SIDT2: variants seen among roughly 807,000 people sequenced by gnomAD.
The protein encoded by SIDT2 is SID1 transmembrane family member 2, also known as SID1 transmembrane family, member 2.
Under a neutral mutation model 114.4 loss-of-function variants are expected in SIDT2, and 68 were observed. That is an observed-to-expected ratio of 0.59 (90% CI 0.49 to 0.73). SIDT2 has a LOEUF of 0.73. SIDT2 is among the 30% of genes least tolerant of loss of function. SIDT2 has a pLI of 0.00. For synonymous variants in SIDT2, 470 were observed against 438.4 expected, an observed-to-expected ratio of 1.07 and a Z score of -0.90; for missense variants, 918 against 1,097.1, an observed-to-expected ratio of 0.84 and a Z score of 2.31.
At position 117,178,851 on chromosome 11, in the gene SIDT2, ACT is replaced by A. The variant is rs1339368696; in HGVS notation, c.-410_-409del. On this transcript the variant is annotated 5_prime_UTR_variant, in exon 1 of 26. Coordinates refer to ENST00000324225, the MANE Select transcript of SIDT2 (RefSeq NM_001040455.2). ...GTAGCTACCACCTATCACGCCCCTC[ACT>A]CTGCGACTCGCCTTCCTCCGCGGCC... The A allele has an allele frequency of 1.6e-5, 3 of 193,266 alleles. 1 individual carries two copies. Among genetic ancestry groups the A allele is most frequent in the Non-Finnish European group, 3.2e-5 (3 of 92,846 alleles). The allele number at this position is 193,266 out of a possible 1,614,324, so 12.0% of individuals were successfully genotyped here.
At chr11:117,187,862 T>G (rs567706061) in intron 12 of SIDT2, 163 bp downstream of exon 12, 4 of 735,976 alleles carry the variant, frequency 5.4e-6, no homozygotes, top group Non-Finnish European at 9.6e-6. Flanking sequence ...TTGGCCCCAG[T>G]TCCCTGGTAA....
chr11:117,179,718 A>T (rs2030191342), intron 1 of SIDT2: 1 of 400,102 alleles, frequency 2.5e-6, no homozygotes, highest in Non-Finnish European at 4.5e-6. Context: ...CTGAGCACAC[A>T]TGGCTTGCTC....
intron 23 of SIDT2, 122 bp from the exon 24 acceptor site, chr11:117,193,731 A>G (rs2030786847): frequency 3.0e-6 from 2 of 673,338 alleles, no homozygotes. Flanking sequence ...GTATGAATCC[A>G]AGGAGCAGTC....
Position 117,192,376 on chromosome 11 carries a change from CG to C in SIDT2, c.1981+18del. The stretch of plus-strand genomic sequence containing the variant: ...GGTGGAAACTGGGTAAGGGCACGCC[CG>C]GGGCAGGGCCTGGGGGAGGGGTCTG... On this transcript the variant is annotated intron_variant, in intron 20 of 25. Coordinates refer to ENST00000324225, the MANE Select transcript of SIDT2 (RefSeq NM_001040455.2). This position sits in a 1 kb window ranked among gnomAD's most constrained non-coding sequence, Gnocchi z 5.9. The C allele has an allele frequency of 1.3e-6, 2 of 1,527,648 alleles. No individual in the cohort carries two copies. The highest frequency in any genetic ancestry group is 1.8e-6 in the Non-Finnish European group (2 of 1,102,704). 94.6% of individuals were successfully genotyped at this position (1,527,648 alleles called of 1,614,324 possible).
In SIDT2 at chr11:117,181,885, GTTC is replaced by G. The variant is rs1247071012; in HGVS notation, c.389_391del (p.Phe130del). ...CCACCAAGAATGAGTCGGAGATTCA[GTTC>G]TTCTACGTGGATGTGTCCACCCTGT... On this transcript the variant is annotated inframe_deletion, in exon 3 of 26. Transcript: ENST00000324225. The G allele has an allele frequency of 6.2e-7, 1 of 1,614,092 alleles. No individual in the cohort carries two copies. Among genetic ancestry groups the G allele is most frequent in the Non-Finnish European group, 8.5e-7 (1 of 1,180,048 alleles).
intron 13 of SIDT2, 38 bp from the exon 14 acceptor site, chr11:117,189,131 A>G (rs1332790908): frequency 1.2e-6 from 2 of 1,604,732 alleles, no homozygotes; most frequent in Admixed American, 1.7e-5. Context: ...GCTTCTCCCA[A>G]GTAGCAGTAA....
intron 10 of SIDT2, 79 bp from the exon 11 acceptor site, chr11:117,187,299 G>A (rs910536450): frequency 1.4e-6 from 2 of 1,397,184 alleles, no homozygotes; most frequent in South Asian, 2.3e-5. Flanking sequence ...TGTCTTCTCT[G>A]GACCTTTCTT....
intron 9 of SIDT2, 66 bp downstream of exon 9, chr11:117,186,289 C>G: frequency 7.2e-7 from 1 of 1,383,120 alleles, no homozygotes; most frequent in Non-Finnish European, 1.0e-6. Flanking sequence ...GGCAGATCAC[C>G]TGGCAGGATC....
intron 15 of SIDT2, 90 bp from the exon 16 acceptor site, chr11:117,189,862 C>A: frequency 8.1e-7 from 1 of 1,227,466 alleles, no homozygotes; most frequent in Non-Finnish European, 1.2e-6. Flanking sequence ...GTGGCACTTG[C>A]TGTTTTTTGC....
In SIDT2 at chr11:117,188,669, T is replaced by C. The variant is rs1444541715; in HGVS notation, c.1160-39T>C. On this transcript the variant is annotated intron_variant, in intron 12 of 25. Coordinates refer to ENST00000324225, the MANE Select transcript of SIDT2 (RefSeq NM_001040455.2). The surrounding 1 kb of genome is among the most constrained non-coding windows in gnomAD (Gnocchi z 4.0). The stretch of plus-strand genomic sequence containing the variant: ...TGGGCGAGGGCCACTGTGGGTTTTG[T>C]GTCCACCGGTGCAACCCCTCCCTCC... 6.6e-7 allele frequency: 1 copy of C among 1,522,262 alleles called. No individual in the cohort carries two copies. Among genetic ancestry groups the C allele is most frequent in the South Asian group, 1.1e-5 (1 of 89,342 alleles). The allele number at this position is 1,522,262 out of a possible 1,614,324, so 94.3% of individuals were successfully genotyped here.
chr11:117,189,462 G>C, intron 15 of SIDT2, 61 bp downstream of exon 15: 1 of 1,554,184 alleles, frequency 6.4e-7, no homozygotes, highest in South Asian at 1.2e-5. Flanking sequence ...AAAGTGCAGA[G>C]CCTCCCAGCC....
Position 117,193,961 on chromosome 11 carries a change from C to CA in SIDT2, c.2321dup (p.Lys775GlufsTer20). 2.5e-6 allele frequency: 4 copies of CA among 1,611,422 alleles called. No individual in the cohort carries two copies. Among genetic ancestry groups the CA allele is most frequent in the Non-Finnish European group, 2.5e-6 (3 of 1,177,670 alleles). On this transcript the variant is annotated frameshift_variant and splice_region_variant, in exon 24 of 26. Coordinates refer to ENST00000324225, the MANE Select transcript of SIDT2 (RefSeq NM_001040455.2). LOFTEE classifies it high-confidence loss of function. ...CTTCTTCCAGGGACTCAGCACCTGG[C>CA]AGGTGAGCACTCACCCTCAGGCTCC...
chr11:117,189,297 G>C (rs1411068007), intron 14 of SIDT2, 38 bp from the exon 15 acceptor site: 1 of 1,613,942 alleles, frequency 6.2e-7, no homozygotes, highest in Admixed American at 1.7e-5. Flanking sequence ...GGCAGCCTTG[G>C]GTGCCACCCA....
chr11:117,179,215 TCGC>T lies in SIDT2; in HGVS notation c.-35_-33del, dbSNP rs746735121. On this transcript the variant is annotated 5_prime_UTR_variant, in exon 1 of 26. Transcript: ENST00000324225. ...CGTCCCGGAGGTGTCCTGTCTCCTGTCGCCGCCGCCGCCGCCACCACCGCTGCC... is the reference window on the plus strand; with the variant it reads ...CGTCCCGGAGGTGTCCTGTCTCCTGTCGCCGCCGCCGCCACCACCGCTGCC... 4.6e-5 allele frequency: 73 copies of T among 1,573,100 alleles called. No individual in the cohort carries two copies. Among genetic ancestry groups the T allele is most frequent in the African/African-American group, 6.9e-5 (5 of 72,748 alleles).
intron 1 of SIDT2, chr11:117,179,868 T>C (rs1188219542): frequency 6.3e-6 from 1 of 157,746 alleles, no homozygotes. Context: ...GCAAGTTACA[T>C]CTCAGACTCC....
At chr11:117,179,610 T>C (rs1308473732) in intron 1 of SIDT2, 164 bp downstream of exon 1, 3 of 636,988 alleles carry the variant, frequency 4.7e-6, no homozygotes, top group South Asian at 4.5e-5. Flanking sequence ...TCCTCCTTCC[T>C]TTGCCACCAA....
chr11:117,192,042 C>T lies in SIDT2; in HGVS notation c.1872+28C>T, dbSNP rs373909797. 3.7e-6 allele frequency: 6 copies of T among 1,613,118 alleles called. No individual in the cohort carries two copies. The African/African-American group carries it at 6.7e-5, about 18-fold the overall frequency. ...GAGGGCCTGACCTGCTCTGCTCAGC[C>T]TGTATGATAGGAAAGGTGCACGTGC... On this transcript the variant is annotated intron_variant, in intron 19 of 25. Coordinates refer to ENST00000324225, the MANE Select transcript of SIDT2 (RefSeq NM_001040455.2). The surrounding 1 kb of genome is among the most constrained non-coding windows in gnomAD (Gnocchi z 5.9).
At chr11:117,189,062 C>T in intron 13 of SIDT2, 107 bp from the exon 14 acceptor site, 1 of 1,221,626 alleles carries the variant, frequency 8.2e-7, no homozygotes, top group Non-Finnish European at 1.2e-6. Context: ...CCCTGCCCCC[C>T]TGAATTCGGC....
At position 117,181,869 on chromosome 11, in the gene SIDT2, A is replaced by G. The variant is rs890912909; in HGVS notation, c.368A>G (p.Asn123Ser). Residue 123 changes from asparagine (N) to serine (S), a missense_variant, in exon 3 of 26, where the codon AAT becomes AGT. Around this residue, in one of 4 missense-constraint regions of SIDT2, gnomAD observed 553 missense variants for 600.1 expected, o/e 0.92. Coordinates refer to ENST00000324225, the MANE Select transcript of SIDT2 (RefSeq NM_001040455.2). Reference sequence around the variant, plus strand: ...ACCCTGTGTCAGCCCCCCACCAAGAATGAGTCGGAGATTCAGTTCTTCTAC... The same window carrying G: ...ACCCTGTGTCAGCCCCCCACCAAGAGTGAGTCGGAGATTCAGTTCTTCTAC... ...ERTLCQPPTK[N>S]ESEIQFFYVD... The G allele has an allele frequency of 3.7e-6, 6 of 1,614,184 alleles. 1 individual carries two copies. The highest frequency in any genetic ancestry group is 2.2e-5 in the East Asian group (1 of 44,884).
Sources: allele counts gnomAD v4.1 joint callset, GRCh38; gene constraint gnomAD v4.1.1; regional missense constraint gnomAD v4.1.1; non-coding constraint Gnocchi (gnomAD v3.1); transcripts MANE v1.5; gene names NCBI Gene and HGNC (gene_info 2026-07-23, HGNC 2026-07-21).